ABCA1: variants seen among roughly 807,000 people sequenced by gnomAD.
ABCA1 encodes ATP binding cassette subfamily A member 1, also known as phospholipid-transporting ATPase ABCA1.
A neutral mutation model predicts 262.5 loss-of-function variants in ABCA1; 133 were observed. The observed-to-expected ratio is 0.51, with a 90% confidence interval of 0.44 to 0.59. The LOEUF (loss-of-function observed/expected upper bound fraction) is 0.59. ABCA1 is among the 20% of genes least tolerant of loss of function. ABCA1 has a pLI of 0.00. For missense variants in ABCA1, 2,452 were observed against 2,777.5 expected (o/e 0.88, Z 2.63); for synonymous variants, 1,022 against 1,043.5 (o/e 0.98, Z 0.40).
chr9:104,785,338 T>C (rs1828828917), intron 49 of ABCA1, 58 bp downstream of exon 49: 1 of 1,606,786 alleles, frequency 6.2e-7, no homozygotes, highest in African/African-American at 1.3e-5. Flanking sequence ...TGGGCGGGAG[T>C]GTCGGGGCAG....
chr9:104,878,465 A>C (rs1206729199), intron 5 of ABCA1, among the ~76,000 whole-genome samples: 2 of 152,212 alleles, frequency 1.3e-5, no homozygotes, highest in African/African-American at 4.8e-5. Context: ...ACAGCACAAT[A>C]GAGCACTGTA....
In ABCA1 at chr9:104,814,431, G is replaced by A; in HGVS notation, c.3783C>T (p.Thr1261=). 2 of 1,614,172 alleles carry A rather than the reference G, an allele frequency of 1.2e-6. No homozygotes were observed. Among genetic ancestry groups the A allele is most frequent in the Admixed American group, 1.7e-5 (1 of 60,032 alleles). The change falls in exon 26 of 50, where the codon ACC becomes ACT. Residue 1261 remains threonine (T), a synonymous_variant. Transcript: ENST00000374736. ...ATTCTCCCTCAAGGCAGTTACCTGA[G>A]GTCTCAGCATCCACCCCACTCTCTT... ...VAEESGVDAE[T]SDGTLPARRN...
chr9:104,895,989 A>C (rs1052463010), intron 2 of ABCA1, among the ~76,000 whole-genome samples: 1 of 152,204 alleles, frequency 6.6e-6, no homozygotes, highest in African/African-American at 2.4e-5. Flanking sequence ...TGAAGTCGCT[A>C]TTTCTTAGTA....
At chr9:104,824,689 T>C in intron 17 of ABCA1, 111 bp from the exon 18 acceptor site, 1 of 1,272,302 alleles carries the variant, frequency 7.9e-7, no homozygotes, top group Non-Finnish European at 1.1e-6. Context: ...AGGAACAGAT[T>C]TGAATGGATG....
At position 104,786,870 on chromosome 9, in the gene ABCA1, G is replaced by C. The variant is rs1449848954; in HGVS notation, c.6308+3C>G. The C allele has an allele frequency of 6.2e-7, 1 of 1,611,418 alleles. No homozygotes were observed. Among genetic ancestry groups the C allele is most frequent in the Non-Finnish European group, 8.5e-7 (1 of 1,177,648 alleles). The stretch of plus-strand genomic sequence containing the variant: ...GTGAGGAACCCAAGACTTTACTACG[G>C]ACCTATGAGATGTAAGCACTACTGA... On this transcript the variant is annotated splice_donor_region_variant and intron_variant, in intron 47 of 49. Transcript: ENST00000374736.
intron 43 of ABCA1, 53 bp downstream of exon 43, chr9:104,791,883 A>C: frequency 4.6e-4 from 699 of 1,527,296 alleles, no homozygotes; most frequent in Middle Eastern, 6.8e-4. Flanking sequence ...TTGATTGGGT[A>C]GAGATAGTCT....
chr9:104,821,657 G>T (rs1832363269), intron 19 of ABCA1, 151 bp from the exon 20 acceptor site: 2 of 921,302 alleles, frequency 2.2e-6, no homozygotes, highest in Non-Finnish European at 3.3e-6. Flanking sequence ...ACAAAGCAAA[G>T]CTGTCCTTTT....
chr9:104,921,638 A>G (rs1240580310), intron 1 of ABCA1, among the ~76,000 whole-genome samples: 1 of 152,234 alleles, frequency 6.6e-6, no homozygotes, highest in Non-Finnish European at 1.5e-5. Flanking sequence ...GTTGTTTCTC[A>G]TATAACTCTA....
chr9:104,814,449 A>T lies in ABCA1; in HGVS notation c.3765T>A (p.Ser1255Arg). ...EEIFLKVAEESGVDAETSDGT... is the reference protein window; with the variant it reads ...EEIFLKVAEERGVDAETSDGT... ...TACCTGAGGTCTCAGCATCCACCCC[A>T]CTCTCTTCGGCCACCTTGAGGAATA... The change falls in exon 26 of 50, where the codon AGT becomes AGA. Residue 1255 changes from serine (S) to arginine (R), a missense_variant. Ser to Arg is a moderately radical substitution (Grantham distance 110, BLOSUM62 -1). Around this residue, in one of 4 missense-constraint regions of ABCA1, gnomAD observed 665 missense variants for 727.3 expected, o/e 0.91. Coordinates refer to ENST00000374736, the MANE Select transcript of ABCA1 (RefSeq NM_005502.4). 1 of 1,613,946 alleles carries T rather than the reference A, an allele frequency of 6.2e-7. No individual in the cohort carries two copies. Among genetic ancestry groups the T allele is most frequent in the South Asian group, 1.1e-5 (1 of 91,070 alleles).
chr9:104,894,002 G>A (rs972819261), intron 2 of ABCA1, among the ~76,000 whole-genome samples: 18 of 152,192 alleles, frequency 1.2e-4, no homozygotes, highest in South Asian at 4.1e-4. Flanking sequence ...GAGGTAGGTT[G>A]TATCATTACC....
intron 15 of ABCA1, among the ~76,000 whole-genome samples, chr9:104,827,387 T>C (rs1259232120): frequency 2.6e-5 from 4 of 152,224 alleles, no homozygotes; most frequent in South Asian, 2.1e-4. Context: ...GGCAGAGTTA[T>C]GAATACAACA....
At position 104,804,568 on chromosome 9, in the gene ABCA1, T is replaced by A. The variant is rs1017908007; in HGVS notation, c.4559+58A>T. 3 of 1,319,888 alleles carry A rather than the reference T, an allele frequency of 2.3e-6. No individual in the cohort carries two copies. In the African/African-American group the frequency reaches 4.3e-5, roughly 19 times the overall value. 81.8% of individuals were successfully genotyped at this position (1,319,888 alleles called of 1,614,324 possible). A position where few individuals can be genotyped will look rare whatever the true frequency, so the allele number is the denominator to read the frequency against. ...ACTGTTTCAGTCTGTTATTTGTAGG[T>A]CTTTAATTCCTCTAATTAGTAATAA... On this transcript the variant is annotated intron_variant, in intron 32 of 49. Transcript: ENST00000374736.
At chr9:104,862,506 G>A (rs1260061538) in intron 5 of ABCA1, among the ~76,000 whole-genome samples, 3 of 151,850 alleles carry the variant, frequency 2.0e-5, no homozygotes, top group African/African-American at 7.3e-5. Context: ...GCTAAAATTG[G>A]AGAGATTTAA....
intron 5 of ABCA1, among the ~76,000 whole-genome samples, chr9:104,880,549 A>G (rs1838542784): frequency 1.3e-5 from 2 of 152,046 alleles, no homozygotes; most frequent in South Asian, 4.1e-4. Context: ...AACAAATAAA[A>G]TAAGTAAATA....
At chr9:104,793,671 T>C (rs1829622364) in intron 40 of ABCA1, among the ~76,000 whole-genome samples, 1 of 152,202 alleles carries the variant, frequency 6.6e-6, no homozygotes, top group Admixed American at 6.5e-5. Flanking sequence ...TAATAATAAA[T>C]ATCAGAAAGC....
At chr9:104,857,000 C>T (rs1341852609) in intron 7 of ABCA1, among the ~76,000 whole-genome samples, 2 of 152,096 alleles carry the variant, frequency 1.3e-5, no homozygotes, top group Non-Finnish European at 2.9e-5. Flanking sequence ...AGAAATATAC[C>T]TTACTTTAAA....
At chr9:104,897,846 G>A (rs886991550) in intron 2 of ABCA1, among the ~76,000 whole-genome samples, 1 of 152,108 alleles carries the variant, frequency 6.6e-6, no homozygotes, top group African/African-American at 2.4e-5. Flanking sequence ...CAAGTGATCC[G>A]CCCACCTTGG....
chr9:104,889,279 C>A lies in ABCA1; in HGVS notation c.67-84G>T. ...CACTGGGATCTGGGAAATCCACAGACAACTTCATTTACTAATTAATCAACT... is the reference window on the plus strand; with the variant it reads ...CACTGGGATCTGGGAAATCCACAGAAAACTTCATTTACTAATTAATCAACT... On this transcript the variant is annotated intron_variant, in intron 2 of 49. Transcript: ENST00000374736. The A allele has an allele frequency of 1.9e-6, 3 of 1,545,522 alleles. No homozygotes were observed. The South Asian group carries it at 3.5e-5, about 18-fold the overall frequency.
intron 31 of ABCA1, 62 bp downstream of exon 31, chr9:104,806,179 A>G (rs773485450): frequency 2.0e-6 from 3 of 1,513,676 alleles, no homozygotes; most frequent in Non-Finnish European, 2.7e-6. Flanking sequence ...CCTGCTTCCA[A>G]GCGGAAGCTA....
Sources: allele counts gnomAD v4.1 joint callset (sites outside exome capture counted in the v4.1 genomes callset), GRCh38; gene constraint gnomAD v4.1.1; regional missense constraint gnomAD v4.1.1; transcripts MANE v1.5; gene names NCBI Gene and HGNC (gene_info 2026-07-23, HGNC 2026-07-21).